Variants in FMO1 observed in about 807,000 individuals in gnomAD.
The protein encoded by FMO1 is flavin containing dimethylaniline monoxygenase 1, also known as flavin-containing monooxygenase 1.
In FMO1, 36 loss-of-function variants were observed where a neutral mutation model predicts 45.4. That is an observed-to-expected ratio of 0.79 (90% CI 0.61 to 1.05). The LOEUF (loss-of-function observed/expected upper bound fraction) is 1.05, where lower values mean the gene tolerates loss of function less well. Ranked by LOEUF, FMO1 falls within the 50% of genes least tolerant of loss-of-function variation. FMO1 has a pLI of 0.00. For missense variants in FMO1, 615 were observed against 640.3 expected, an observed-to-expected ratio of 0.96 and a Z score of 0.43; for synonymous variants, 228 against 227.2, an observed-to-expected ratio of 1.00 and a Z score of -0.03.
intron 1 of FMO1, among the ~76,000 whole-genome samples, chr1:171,254,565 T>C (rs1009788920): frequency 5.3e-5 from 8 of 152,094 alleles, no homozygotes; most frequent in Admixed American, 4.6e-4. Flanking sequence ...GGGAAACATA[T>C]ACCTTATATA....
intron 1 of FMO1, among the ~76,000 whole-genome samples, chr1:171,252,986 T>C (rs1438217028): frequency 6.6e-6 from 1 of 152,234 alleles, no homozygotes; most frequent in African/African-American, 2.4e-5. Flanking sequence ...AGAGTGAAGC[T>C]GATATTGATA....
chr1:171,272,583 G>A (rs544154714), intron 3 of FMO1, among the ~76,000 whole-genome samples: 1 of 152,222 alleles, frequency 6.6e-6, no homozygotes, highest in Non-Finnish European at 1.5e-5. Context: ...AGCTGCCCAA[G>A]ACCATGGGAA....
intron 6 of FMO1, among the ~76,000 whole-genome samples, chr1:171,281,747 G>T (rs1571361474): frequency 6.6e-6 from 1 of 152,174 alleles, no homozygotes; most frequent in East Asian, 1.9e-4. Context: ...GCTAGAGAAG[G>T]TGCTGGCTTC....
intron 2 of FMO1, among the ~76,000 whole-genome samples, chr1:171,259,729 G>A (rs1660302324): frequency 6.6e-6 from 1 of 152,138 alleles, no homozygotes; most frequent in Non-Finnish European, 1.5e-5. Context: ...TAGGTCACAG[G>A]CACCTAATCA....
At chr1:171,281,655 T>A (rs565832624) in intron 6 of FMO1, among the ~76,000 whole-genome samples, 14 of 152,308 alleles carry the variant, frequency 9.2e-5, no homozygotes, top group African/African-American at 3.4e-4. Flanking sequence ...GTCCCTGGTT[T>A]CCCTTGTAGC....
chr1:171,275,552 C>A (rs1661074614), intron 4 of FMO1, 44 bp downstream of exon 4: 2 of 1,413,650 alleles, frequency 1.4e-6, no homozygotes, highest in Non-Finnish European at 2.0e-6. Context: ...CTCGTGGGAG[C>A]CATTCTGATG....
intron 1 of FMO1, among the ~76,000 whole-genome samples, chr1:171,256,105 C>G (rs1660137873): frequency 6.6e-6 from 1 of 151,782 alleles, no homozygotes; most frequent in Admixed American, 6.6e-5. Flanking sequence ...AACCCCGTCT[C>G]TACTAAAAAT....
intron 7 of FMO1, 108 bp downstream of exon 7, chr1:171,282,441 T>A (rs536811333): frequency 2.8e-6 from 2 of 724,962 alleles, no homozygotes; most frequent in East Asian, 5.4e-5. Flanking sequence ...AATAACAGAA[T>A]CTTTAAAAGC....
intron 1 of FMO1, among the ~76,000 whole-genome samples, chr1:171,253,222 C>T (rs1276170363): frequency 6.6e-6 from 1 of 152,210 alleles, no homozygotes; most frequent in African/African-American, 2.4e-5. Flanking sequence ...CCTTCACTTT[C>T]TAAAACACAA....
chr1:171,266,048 A>G, intron 2 of FMO1, among the ~76,000 whole-genome samples: 1 of 152,198 alleles, frequency 6.6e-6, no homozygotes, highest in Non-Finnish European at 1.5e-5. Context: ...TTATACTGTA[A>G]GATTAAATAT....
At chr1:171,277,157 A>G (rs1010464512) in intron 4 of FMO1, among the ~76,000 whole-genome samples, 5 of 152,212 alleles carry the variant, frequency 3.3e-5, no homozygotes, top group African/African-American at 1.2e-4. Context: ...GTTGAAGAGC[A>G]GTTCTCCCAA....
chr1:171,261,700 A>G (rs1306577034), intron 2 of FMO1, among the ~76,000 whole-genome samples: 1 of 152,160 alleles, frequency 6.6e-6, no homozygotes, highest in African/African-American at 2.4e-5. Flanking sequence ...CCTGGGCAAT[A>G]TAACAAGACC....
chr1:171,265,677 C>T (rs1007047437), intron 2 of FMO1, among the ~76,000 whole-genome samples: 5 of 152,092 alleles, frequency 3.3e-5, no homozygotes, highest in Admixed American at 6.5e-5. Flanking sequence ...TGCAGTTCTC[C>T]ATGTTAAACA....
intron 1 of FMO1, among the ~76,000 whole-genome samples, chr1:171,254,620 T>G (rs1660067886): frequency 6.6e-6 from 1 of 152,226 alleles, no homozygotes; most frequent in African/African-American, 2.4e-5. Context: ...CAATGTCTTA[T>G]GGATGATACA....
chr1:171,282,313 G>A lies in FMO1; in HGVS notation c.1163G>A (p.Trp388Ter). 1 of 1,611,150 alleles carries A rather than the reference G, an allele frequency of 6.2e-7. No individual in the cohort carries two copies. Among genetic ancestry groups the A allele is most frequent in the Non-Finnish European group, 8.5e-7 (1 of 1,177,940 alleles). The change falls in exon 7 of 9, where the codon TGG (tryptophan) becomes TAG (stop). Residue 388 changes from tryptophan (W) to a stop codon, truncating the protein, a stop_gained. Transcript: ENST00000617670. LOFTEE classifies it high-confidence loss of function. Reference sequence around the variant, plus strand: ...CCTACAGGAGAAACACAAGCTCGGTGGGCTGTTCGAGTCCTGAAAGGTAAG... The same window carrying A: ...CCTACAGGAGAAACACAAGCTCGGTAGGCTGTTCGAGTCCTGAAAGGTAAG... ...MIPTGETQAR[W>*]AVRVLKGVNK...
intron 2 of FMO1, among the ~76,000 whole-genome samples, chr1:171,261,175 C>T (rs1660363976): frequency 6.6e-6 from 1 of 152,072 alleles, no homozygotes; most frequent in Non-Finnish European, 1.5e-5. Context: ...TTTTTAGGCA[C>T]CTCTGTAATA....
At position 171,267,586 on chromosome 1, in the gene FMO1, T is replaced by C; in HGVS notation, c.176T>C (p.Val59Ala). 8 of 1,613,640 alleles carry C rather than the reference T, an allele frequency of 5.0e-6. No individual in the cohort carries two copies. Among genetic ancestry groups the C allele is most frequent in the Non-Finnish European group, 6.8e-6 (8 of 1,179,716 alleles). Reference protein sequence around the residue: ...EGRASLYKSVVSNSCKEMSCY... With the variant: ...EGRASLYKSVASNSCKEMSCY... ...AGAGCCAGTCTCTACAAGTCTGTGG[T>C]TTCCAACAGCTGCAAGGAGATGTCT... Residue 59 changes from valine to alanine, a missense_variant, in exon 3 of 9, where the codon GTT (valine) becomes GCT (alanine). Val to Ala is a moderately conservative substitution (Grantham distance 64). Coordinates refer to ENST00000617670, the MANE Select transcript of FMO1 (RefSeq NM_001282693.2).
At chr1:171,276,295 G>T (rs760074444) in intron 4 of FMO1, among the ~76,000 whole-genome samples, 2 of 152,174 alleles carry the variant, frequency 1.3e-5, no homozygotes, top group African/African-American at 2.4e-5. Flanking sequence ...ACTCAGATCA[G>T]GTTAGATTAG....
chr1:171,285,250 C>T lies in FMO1; in HGVS notation c.1305C>T (p.Tyr435=), dbSNP rs749449245. 1.7e-5 allele frequency: 28 copies of T among 1,613,378 alleles called. No homozygotes were observed. In the Admixed American group the frequency reaches 3.0e-4, roughly 17 times the overall value. The change falls in exon 9 of 9, where the codon TAC becomes TAT. Residue 435 remains tyrosine, a synonymous_variant. Transcript: ENST00000617670. ...CKALQSDYIT[Y]IDELLTYINA... ...CTTTACAATCAGATTATATCACATACATAGATGAACTCCTGACCTATATCA... is the reference window on the plus strand; with the variant it reads ...CTTTACAATCAGATTATATCACATATATAGATGAACTCCTGACCTATATCA...
Sources: allele counts gnomAD v4.1 joint callset (sites outside exome capture counted in the v4.1 genomes callset), GRCh38; gene constraint gnomAD v4.1.1; transcripts MANE v1.5; gene names NCBI Gene and HGNC (gene_info 2026-07-23, HGNC 2026-07-21).